Variants in PTCHD4 observed in about 807,000 individuals in gnomAD.
The protein encoded by PTCHD4 is patched domain-containing protein 4.
PTCHD4 carries 33 observed loss-of-function variants against 58.1 expected under a neutral mutation model. That is an observed-to-expected ratio of 0.57 (90% CI 0.43 to 0.76). PTCHD4 has a LOEUF of 0.76. Among genes scored for constraint, PTCHD4 ranks in the 30% least tolerant of loss-of-function variants. The pLI, the probability that PTCHD4 is intolerant of heterozygous loss-of-function variation, is 0.00. For synonymous variants in PTCHD4, 478 were observed against 409.6 expected (o/e 1.17, Z -2.02); for missense variants, 1,058 against 1,027.1 (o/e 1.03, Z -0.41).
rs1763690419 is a variant in PTCHD4, at chr6:47,870,587, A to T, written c.*7716T>A. On this transcript the variant is annotated 3_prime_UTR_variant, in exon 5 of 5. Transcript: ENST00000339488. ...TTCAGGTGAATTGGAAACTTTGGAA[A>T]CTTTGGAAGGACTTTTGGTTTGGGT... is the stretch of plus-strand genomic sequence containing the variant. Among the ~76,000 whole-genome samples the T allele has an allele frequency of 6.6e-6, 1 of 151,548 alleles. No homozygotes were observed. The highest frequency in any genetic ancestry group is 2.4e-5 in the African/African-American group (1 of 41,294).
chr6:47,898,284 A>C (rs1240816851), intron 4 of PTCHD4, among the ~76,000 whole-genome samples: 2 of 151,852 alleles, frequency 1.3e-5, no homozygotes, highest in African/African-American at 2.4e-5. Context: ...TATTCTAAAA[A>C]CTGCATTTTA....
chr6:47,867,855 A>G lies in PTCHD4; in HGVS notation c.*10448T>C, dbSNP rs1488040205. Among the ~76,000 whole-genome samples, 2 of 151,754 alleles carry G rather than the reference A, an allele frequency of 1.3e-5. No individual in the cohort carries two copies. Among genetic ancestry groups the G allele is most frequent in the Non-Finnish European group, 2.9e-5 (2 of 67,804 alleles). On this transcript the variant is annotated 3_prime_UTR_variant, in exon 5 of 5. Coordinates refer to ENST00000339488, the MANE Select transcript of PTCHD4 (RefSeq NM_001384253.1). ...AATAGTTTAGTGGTATTTTCTTCTG[A>G]GCCTAGCACAGAGACCAATATAGGT...
intron 4 of PTCHD4, among the ~76,000 whole-genome samples, chr6:47,988,546 T>C (rs1581979044): frequency 6.6e-6 from 1 of 152,244 alleles, no homozygotes; most frequent in Admixed American, 6.5e-5. Flanking sequence ...AGTACTCCCA[T>C]AATTCCCATG....
chr6:47,941,462 C>A (rs1042165949), intron 4 of PTCHD4, among the ~76,000 whole-genome samples: 4 of 152,106 alleles, frequency 2.6e-5, no homozygotes, highest in Non-Finnish European at 5.9e-5. Context: ...TACCATTCTC[C>A]CTGACAGAAC....
rs9369761 is a variant in PTCHD4, at chr6:48,103,795, G to A, written c.-970+7254C>T. On this transcript the variant is annotated intron_variant, in intron 1 of 4. Coordinates refer to ENST00000339488, the MANE Select transcript of PTCHD4 (RefSeq NM_001384253.1). ...CTGAAAACCAAGGCACCAGAACTAC[G>A]TGATGAATGCACAAGCCTCAGTAAC... is the stretch of plus-strand genomic sequence containing the variant. 9.5e-4 allele frequency among the ~76,000 whole-genome samples: 145 copies of A among 152,304 alleles called. 1 individual carries two copies. In the East Asian group the frequency reaches 0.018, roughly 19 times the overall value.
chr6:47,926,742 T>C (rs1475581121), intron 4 of PTCHD4, among the ~76,000 whole-genome samples: 1 of 152,174 alleles, frequency 6.6e-6, no homozygotes. Context: ...TTACTAATAA[T>C]CTTTGGGCAA....
In PTCHD4 at chr6:48,069,900, A is replaced by C. The variant is rs1457614946; in HGVS notation, c.-943T>G. Among the ~76,000 whole-genome samples, 5 of 152,062 alleles carry C rather than the reference A, an allele frequency of 3.3e-5. No individual in the cohort carries two copies. Among genetic ancestry groups the C allele is most frequent in the Non-Finnish European group, 7.4e-5 (5 of 68,000 alleles). ...TGTGAGTGGAATTCCAGAAACAGACACTTCCAGACACACCAGGTAGTTTTG... is the reference window on the plus strand; with the variant it reads ...TGTGAGTGGAATTCCAGAAACAGACCCTTCCAGACACACCAGGTAGTTTTG... On this transcript the variant is annotated 5_prime_UTR_variant, in exon 2 of 5. Coordinates refer to ENST00000339488, the MANE Select transcript of PTCHD4 (RefSeq NM_001384253.1).
At chr6:48,031,407 T>C (rs1179897107) in intron 3 of PTCHD4, among the ~76,000 whole-genome samples, 2 of 152,140 alleles carry the variant, frequency 1.3e-5, no homozygotes, top group Non-Finnish European at 2.9e-5. Context: ...TCTCCCCTGC[T>C]GCAAGACCCC....
intron 3 of PTCHD4, among the ~76,000 whole-genome samples, chr6:48,026,651 G>T (rs185176312): frequency 6.6e-6 from 1 of 152,042 alleles, no homozygotes; most frequent in Non-Finnish European, 1.5e-5. Flanking sequence ...TCCACTGGAA[G>T]CTCTCAAGGG....
intron 3 of PTCHD4, among the ~76,000 whole-genome samples, chr6:48,057,388 C>T (rs1052841921): frequency 3.9e-5 from 6 of 152,150 alleles, no homozygotes; most frequent in Non-Finnish European, 8.8e-5. Flanking sequence ...GATTTCCTTG[C>T]TGGTTATATC....
chr6:48,019,453 C>T (rs965729481), intron 3 of PTCHD4, among the ~76,000 whole-genome samples: 1 of 152,074 alleles, frequency 6.6e-6, no homozygotes, highest in Non-Finnish European at 1.5e-5. Flanking sequence ...AATATAAGTA[C>T]TGGCCGGGCG....
chr6:48,005,360 A>G (rs769957155), intron 4 of PTCHD4, among the ~76,000 whole-genome samples: 2 of 152,250 alleles, frequency 1.3e-5, no homozygotes, highest in Non-Finnish European at 2.9e-5. Flanking sequence ...CAAAGAAGTC[A>G]TCTTAGGAAG....
intron 3 of PTCHD4, among the ~76,000 whole-genome samples, chr6:48,059,080 A>G (rs568347450): frequency 1.6e-3 from 245 of 152,364 alleles, no homozygotes; most frequent in South Asian, 4.8e-3. Context: ...TTAAGAATGT[A>G]TAATGAACCA....
rs1763768022 is a variant in PTCHD4, at chr6:47,873,388, A to G, written c.*4915T>C. Among the ~76,000 whole-genome samples, 1 of 151,638 alleles carries G rather than the reference A, an allele frequency of 6.6e-6. No individual in the cohort carries two copies. Among genetic ancestry groups the G allele is most frequent in the Non-Finnish European group, 1.5e-5 (1 of 67,734 alleles). On this transcript the variant is annotated 3_prime_UTR_variant, in exon 5 of 5. Transcript: ENST00000339488. ...CAATATCCTTCCAGTGTCATTTCAA[A>G]TGTTGCCTGATCTAACTCCACAACA...
intron 3 of PTCHD4, among the ~76,000 whole-genome samples, chr6:48,039,994 C>T (rs554484330): frequency 1.6e-3 from 241 of 152,134 alleles, no homozygotes; most frequent in African/African-American, 5.7e-3. Flanking sequence ...TGAGATGGGG[C>T]CCAAGACTCT....
chr6:47,989,471 G>A (rs1395138995), intron 4 of PTCHD4, among the ~76,000 whole-genome samples: 2 of 152,188 alleles, frequency 1.3e-5, no homozygotes, highest in African/African-American at 4.8e-5. Context: ...GGCTTAGAAG[G>A]AAATAGTGGT....
intron 1 of PTCHD4, among the ~76,000 whole-genome samples, chr6:48,104,988 C>T (rs1446717215): frequency 6.6e-6 from 1 of 152,124 alleles, no homozygotes; most frequent in Non-Finnish European, 1.5e-5. Context: ...CTTAGATTCC[C>T]ACACAATAAT....
In PTCHD4 at chr6:48,079,970, A is replaced by ATTTTT. The variant is rs141629864; in HGVS notation, c.-969-10049_-969-10045dup. On this transcript the variant is annotated intron_variant, in intron 1 of 4. Transcript: ENST00000339488. ...ATTCAAAACCCTGCCCCTTATGATG[A>ATTTTT]TTTTTTTTTTTTTTTTTTTTTTTTT... 1.5e-3 allele frequency among the ~76,000 whole-genome samples: 112 copies of ATTTTT among 76,122 alleles called. 15 individuals are homozygous for ATTTTT. The highest frequency in any genetic ancestry group is 2.8e-3 in the African/African-American group (58 of 21,024). 49.9% of individuals were successfully genotyped at this position (76,122 alleles called of 152,430 possible). A position where few individuals can be genotyped will look rare whatever the true frequency, so the allele number is the denominator to read the frequency against.
rs572171349 is a variant in PTCHD4 at position 47,863,078 on chromosome 6, C to T, written c.*15225G>A. On this transcript the variant is annotated 3_prime_UTR_variant, in exon 5 of 5. Transcript: ENST00000339488. ...CAAAAAGATCTTCAAATTCTCTGGG[C>T]ATTCATTGTACTTAACTTTTTACTT... Among the ~76,000 whole-genome samples, 2 of 151,902 alleles carry T rather than the reference C, an allele frequency of 1.3e-5. No homozygotes were observed. The highest frequency in any genetic ancestry group is 4.8e-5 in the African/African-American group (2 of 41,532).
Sources: allele counts gnomAD v4.1 joint callset (sites outside exome capture counted in the v4.1 genomes callset), GRCh38; gene constraint gnomAD v4.1.1; transcripts MANE v1.5; gene names NCBI Gene and HGNC (gene_info 2026-07-23, HGNC 2026-07-21).